RALYL: variants seen among roughly 807,000 people sequenced by gnomAD.
RALYL encodes RALY RNA binding protein like, also known as RNA-binding Raly-like protein.
RALYL carries 29 observed loss-of-function variants against 35.1 expected under a neutral mutation model. The observed-to-expected ratio is 0.83, with a 90% CI of 0.61 to 1.13. The LOEUF is 1.13. Among genes scored for constraint, RALYL ranks in the 50% most tolerant of loss-of-function variants. RALYL has a pLI of 0.00. For synonymous variants in RALYL, 120 were observed against 127.6 expected (o/e 0.94, Z 0.40); for missense variants, 359 against 360.4 (o/e 1.00, Z 0.03).
chr8:84,693,576 G>T lies in RALYL; in HGVS notation c.257-81003G>T, dbSNP rs1020287581. Among the ~76,000 whole-genome samples, 26 of 151,794 alleles carry T rather than the reference G, an allele frequency of 1.7e-4. 2 individuals carry two copies. Among genetic ancestry groups the T allele is most frequent in the Admixed American group, 1.6e-3 (25 of 15,186 alleles). ...AAACCATATTAATATAATAGCAAAT[G>T]AAAACTTGAAGAGGAGAGAATATTT... On this transcript the variant is annotated intron_variant, in intron 2 of 8. Transcript: ENST00000521268.
rs376755657 is a variant in RALYL, at chr8:84,347,875, A to G, written c.-24+163451A>G. On this transcript the variant is annotated intron_variant, in intron 1 of 8. Transcript: ENST00000521268. ...AAGCTTGCTATTTGAGTAAAGAACA[A>G]TTCATGAGTTGGGCAGCACACTGAG... Among the ~76,000 whole-genome samples the G allele has an allele frequency of 7.2e-5, 11 of 152,220 alleles. 1 individual carries two copies. The highest frequency in any genetic ancestry group is 1.9e-4 in the East Asian group (1 of 5,150).
intron 2 of RALYL, among the ~76,000 whole-genome samples, chr8:84,751,721 C>T (rs934158516): frequency 6.6e-6 from 1 of 152,050 alleles, no homozygotes; most frequent in South Asian, 2.1e-4. Flanking sequence ...AACCTTCCTC[C>T]TGCCTGGCCA....
At chr8:84,353,503 A>G (rs1851288540) in intron 1 of RALYL, among the ~76,000 whole-genome samples, 1 of 150,396 alleles carries the variant, frequency 6.6e-6, no homozygotes, top group Non-Finnish European at 1.5e-5. Context: ...CTTCACCTAA[A>G]TAGATTCCAG....
intron 2 of RALYL, among the ~76,000 whole-genome samples, chr8:84,537,834 A>G (rs1044578694): frequency 4.6e-5 from 7 of 152,226 alleles, no homozygotes; most frequent in Non-Finnish European, 8.8e-5. Flanking sequence ...AGCAGGTTTT[A>G]TGAAAACAAA....
At chr8:84,797,441 A>G (rs1318234567) in intron 3 of RALYL, among the ~76,000 whole-genome samples, 2 of 152,170 alleles carry the variant, frequency 1.3e-5, no homozygotes, top group Non-Finnish European at 2.9e-5. Context: ...TGTGTGAGAG[A>G]GCTTGGCAGA....
intron 2 of RALYL, among the ~76,000 whole-genome samples, chr8:84,622,902 A>G (rs992246429): frequency 2.6e-5 from 4 of 152,210 alleles, no homozygotes; most frequent in Non-Finnish European, 5.9e-5. Context: ...TGTATTTATT[A>G]TTAGAGGATG....
At chr8:84,520,541 T>C (rs1484836364) in intron 1 of RALYL, among the ~76,000 whole-genome samples, 1 of 152,196 alleles carries the variant, frequency 6.6e-6, no homozygotes, top group Non-Finnish European at 1.5e-5. Context: ...ATTCTTTAGA[T>C]AGGGGTCCCT....
chr8:84,913,385 C>A (rs1341182759), intron 8 of RALYL, among the ~76,000 whole-genome samples: 1 of 151,906 alleles, frequency 6.6e-6, no homozygotes, highest in Non-Finnish European at 1.5e-5. Flanking sequence ...TCACAAAAAT[C>A]TAGGAGAGAA....
chr8:84,210,586 C>G (rs558891487), intron 1 of RALYL, among the ~76,000 whole-genome samples: 1 of 152,170 alleles, frequency 6.6e-6, no homozygotes, highest in Admixed American at 6.5e-5. Flanking sequence ...TCTTCTGGAT[C>G]ATTCCCTCTA....
At chr8:84,601,870 T>C (rs148673600) in intron 2 of RALYL, among the ~76,000 whole-genome samples, 358 of 152,276 alleles carry the variant, frequency 2.4e-3, no homozygotes, top group African/African-American at 5.4e-3. Context: ...TCTTTTTCAA[T>C]ATTTTAGCTT....
At chr8:84,377,349 A>G (rs1563815976) in intron 1 of RALYL, among the ~76,000 whole-genome samples, 1 of 151,618 alleles carries the variant, frequency 6.6e-6, no homozygotes, top group Non-Finnish European at 1.5e-5. Context: ...ATCTTGAAGA[A>G]TTTAAAATAA....
chr8:84,469,871 C>T (rs948661686), intron 1 of RALYL, among the ~76,000 whole-genome samples: 15 of 152,170 alleles, frequency 9.9e-5, no homozygotes, highest in Non-Finnish European at 1.3e-4. Context: ...GTCGGAAAAG[C>T]GCAGTATTCG....
At chr8:84,230,822 G>A (rs12542479) in intron 1 of RALYL, among the ~76,000 whole-genome samples, 5,863 of 152,218 alleles carry the variant, frequency 0.039, 146 homozygotes, top group African/African-American at 0.041. Flanking sequence ...AGGAAACAGC[G>A]TCTCATGGGG....
rs80078376 is a variant in RALYL, at chr8:84,251,623, C to T, written c.-24+67199C>T. 4.5e-4 allele frequency among the ~76,000 whole-genome samples: 69 copies of T among 152,016 alleles called. 1 individual carries two copies. The East Asian group carries it at 0.013, about 28-fold the overall frequency. On this transcript the variant is annotated intron_variant, in intron 1 of 8. Transcript: ENST00000521268. ...TCCTTGAGTGTACATTTCGCCTTAC[C>T]TTTGTATGACATTTTCTTTTATGGT...
At chr8:84,747,679 T>C (rs1427536259) in intron 2 of RALYL, among the ~76,000 whole-genome samples, 3 of 151,974 alleles carry the variant, frequency 2.0e-5, no homozygotes, top group African/African-American at 7.2e-5. Flanking sequence ...TTACACTATA[T>C]ATTTTTAAGT....
chr8:84,386,797 G>C (rs73300740), intron 1 of RALYL, among the ~76,000 whole-genome samples: 4,291 of 151,898 alleles, frequency 0.028, 196 homozygotes, highest in African/African-American at 0.097. Context: ...CCTCTGTCCT[G>C]TTCTTGCTAG....
At chr8:84,710,405 G>T (rs34970569) in intron 2 of RALYL, among the ~76,000 whole-genome samples, 54,611 of 151,940 alleles carry the variant, frequency 0.36, 12,368 homozygotes, top group South Asian at 0.56. Flanking sequence ...AGGTTCAAGC[G>T]ATTCTCCTTC....
chr8:84,649,134 T>G (rs1421014325), intron 2 of RALYL, among the ~76,000 whole-genome samples: 1 of 152,122 alleles, frequency 6.6e-6, no homozygotes, highest in Non-Finnish European at 1.5e-5. Flanking sequence ...TTGCATATGT[T>G]GTCACCAAAA....
intron 5 of RALYL, among the ~76,000 whole-genome samples, chr8:84,852,131 T>C (rs998035172): frequency 6.6e-6 from 1 of 152,158 alleles, no homozygotes; most frequent in African/African-American, 2.4e-5. Context: ...AATAACCAAC[T>C]ATGTGAATAT....
Sources: gnomAD v4.1 joint callset for allele counts (sites outside exome capture counted in the v4.1 genomes callset) on GRCh38, gnomAD v4.1.1 for gene constraint, MANE v1.5 for transcripts, NCBI Gene and HGNC (gene_info 2026-07-23, HGNC 2026-07-21) for gene names.